SNX9: variants seen among roughly 807,000 people sequenced by gnomAD.
The protein encoded by SNX9 is sorting nexin 9.
Under a neutral mutation model 89.4 loss-of-function variants are expected in SNX9, and 44 were observed. The ratio of observed to expected loss-of-function variants is 0.49; its 90% CI spans 0.39 to 0.63. The LOEUF (loss-of-function observed/expected upper bound fraction) is 0.63. Among genes scored for constraint, SNX9 ranks in the 30% least tolerant of loss-of-function variants. The probability of loss-of-function intolerance (pLI) is 0.00; values close to 1 mark genes in which losing one functional copy is unlikely to be tolerated. For synonymous variants in SNX9, 236 were observed against 247.8 expected, an observed-to-expected ratio of 0.95 and a Z score of 0.45; for missense variants, 578 against 736.1, an observed-to-expected ratio of 0.79 and a Z score of 2.49.
At chr6:157,844,587 GTTTTT>G (rs1177648226) in intron 1 of SNX9, among the ~76,000 whole-genome samples, 32 of 130,240 alleles carry the variant, frequency 2.5e-4, no homozygotes, top group South Asian at 1.0e-3. Context: ...GCTAATCCTT[GTTTTT>G]TTTTTTTGTT....
intron 10 of SNX9, among the ~76,000 whole-genome samples, chr6:157,922,736 T>C (rs1184189770): frequency 1.3e-5 from 2 of 152,256 alleles, no homozygotes; most frequent in African/African-American, 4.8e-5. Context: ...TGCTTCACCA[T>C]GTCTTTGTGA....
intron 1 of SNX9, among the ~76,000 whole-genome samples, chr6:157,830,818 T>G (rs1781465427): frequency 1.3e-5 from 2 of 152,160 alleles, no homozygotes; most frequent in Admixed American, 1.3e-4. Flanking sequence ...TCTCCATTCT[T>G]TCTTTCTGGA....
intron 1 of SNX9, among the ~76,000 whole-genome samples, chr6:157,851,700 C>T (rs1249579575): frequency 6.6e-6 from 1 of 152,174 alleles, no homozygotes; most frequent in Admixed American, 6.5e-5. Context: ...AGCGATTTTC[C>T]TGCCTCAGCC....
rs1213268551 is a variant in SNX9, at chr6:157,873,190, G to GTCAT, written c.174+24_174+27dup. On this transcript the variant is annotated intron_variant, in intron 3 of 17. Transcript: ENST00000392185. ...GACTACGTTGAAGTAAGAGCTTCCT[G>GTCAT]TCATTCATTCATTAGAGCTCATCTT... The GTCAT allele has an allele frequency of 2.6e-6, 4 of 1,566,012 alleles. No homozygotes were observed. The highest frequency in any genetic ancestry group is 3.5e-6 in the Non-Finnish European group (4 of 1,155,102).
rs529071613 is a variant in SNX9, at chr6:157,944,649, G to T, written c.*1811G>T. 6.6e-6 allele frequency: 1 copy of T among 152,284 alleles called. No individual in the cohort carries two copies. Among genetic ancestry groups the T allele is most frequent in the Non-Finnish European group, 1.5e-5 (1 of 68,016 alleles). The allele number at this position is 152,284 out of a possible 1,614,324, so 9.4% of individuals were successfully genotyped here. A position where few individuals can be genotyped will look rare whatever the true frequency, so the allele number is the denominator to read the frequency against. On this transcript the variant is annotated 3_prime_UTR_variant, in exon 18 of 18. Transcript: ENST00000392185. ...CCCCAAATCCTATTTCTTCTGACAT[G>T]AATTCATCATTTCAGTTCCGTAGGT...
intron 1 of SNX9, among the ~76,000 whole-genome samples, chr6:157,853,962 A>T (rs1781961683): frequency 1.3e-5 from 2 of 152,234 alleles, no homozygotes; most frequent in Admixed American, 1.3e-4. Context: ...AAGACTGGTG[A>T]AACAGTGGTG....
At chr6:157,871,698 A>T (rs940594721) in intron 2 of SNX9, among the ~76,000 whole-genome samples, 5 of 152,070 alleles carry the variant, frequency 3.3e-5, no homozygotes, top group Admixed American at 2.0e-4. Flanking sequence ...AAAAATTTTT[A>T]AAAATGCTAG....
At chr6:157,831,221 T>G (rs1781472482) in intron 1 of SNX9, among the ~76,000 whole-genome samples, 1 of 152,058 alleles carries the variant, frequency 6.6e-6, no homozygotes, top group South Asian at 2.1e-4. Flanking sequence ...TGATTTGATT[T>G]GATTTTTCCT....
chr6:157,896,028 C>G (rs1782970367), intron 4 of SNX9, among the ~76,000 whole-genome samples: 1 of 152,134 alleles, frequency 6.6e-6, no homozygotes, highest in Non-Finnish European at 1.5e-5. Context: ...TTCTGTTGTT[C>G]TATTTCCTTA....
chr6:157,852,540 A>G (rs1323286266), intron 1 of SNX9, among the ~76,000 whole-genome samples: 1 of 152,120 alleles, frequency 6.6e-6, no homozygotes, highest in Non-Finnish European at 1.5e-5. Context: ...ACTCTGTAAC[A>G]GTAGACCTCT....
At chr6:157,868,888 A>G (rs961733687) in intron 2 of SNX9, among the ~76,000 whole-genome samples, 1 of 152,176 alleles carries the variant, frequency 6.6e-6, no homozygotes, top group Non-Finnish European at 1.5e-5. Context: ...TGCCCTGTGC[A>G]TGCCTGTCCT....
chr6:157,918,820 A>G (rs1009343880), intron 9 of SNX9, among the ~76,000 whole-genome samples: 1 of 152,114 alleles, frequency 6.6e-6, no homozygotes, highest in Non-Finnish European at 1.5e-5. Flanking sequence ...TGCACTTTAG[A>G]TTAATATTAA....
intron 1 of SNX9, among the ~76,000 whole-genome samples, chr6:157,854,189 A>G (rs1425299251): frequency 6.6e-6 from 1 of 152,146 alleles, no homozygotes; most frequent in African/African-American, 2.4e-5. Flanking sequence ...ACTTTACTAT[A>G]TTTGTATTCC....
intron 1 of SNX9, among the ~76,000 whole-genome samples, chr6:157,837,973 G>A (rs1282990673): frequency 2.6e-5 from 4 of 152,180 alleles, no homozygotes; most frequent in Non-Finnish European, 5.9e-5. Flanking sequence ...TGAACATCAA[G>A]GGATATTGAC....
rs1175576695 is a variant in SNX9 at position 157,823,615 on chromosome 6, G to A, written c.12+169G>A. Among the ~76,000 whole-genome samples, 1 of 151,948 alleles carries A rather than the reference G, an allele frequency of 6.6e-6. No homozygotes were observed. Among genetic ancestry groups the A allele is most frequent in the African/African-American group, 2.4e-5 (1 of 41,412 alleles). ...CCGCGGCCCAGCCAGTCCCTTCTGG[G>A]CATGGGTGCGGCGGGCAGTGCAGAC... is the stretch of plus-strand genomic sequence containing the variant. On this transcript the variant is annotated intron_variant, in intron 1 of 17. Coordinates refer to ENST00000392185, the MANE Select transcript of SNX9 (RefSeq NM_016224.5). The surrounding 1 kb of genome is among the most constrained non-coding windows in gnomAD (Gnocchi z 4.6).
chr6:157,896,357 C>T (rs1420732208), intron 4 of SNX9, among the ~76,000 whole-genome samples: 1 of 152,060 alleles, frequency 6.6e-6, no homozygotes, highest in Non-Finnish European at 1.5e-5. Flanking sequence ...GAAATAGGTC[C>T]TCATGTTGAG....
At chr6:157,923,438 A>AC (rs748820557) in intron 10 of SNX9, among the ~76,000 whole-genome samples, 1 of 152,120 alleles carries the variant, frequency 6.6e-6, no homozygotes, top group African/African-American at 2.4e-5. Flanking sequence ...TAAAAAAAAA[A>AC]TAACCTGTCA....
At chr6:157,885,665 G>A (rs1240657602) in intron 4 of SNX9, among the ~76,000 whole-genome samples, 3 of 152,212 alleles carry the variant, frequency 2.0e-5, no homozygotes, top group Non-Finnish European at 4.4e-5. Flanking sequence ...AGGTGGTGTG[G>A]AAGGATGTGA....
chr6:157,902,396 C>G (rs1046645761), intron 6 of SNX9, among the ~76,000 whole-genome samples: 3 of 152,122 alleles, frequency 2.0e-5, no homozygotes, highest in Non-Finnish European at 2.9e-5. Flanking sequence ...AAATGTTTTA[C>G]TGTTTTGTTA....
Sources: allele counts gnomAD v4.1 joint callset (sites outside exome capture counted in the v4.1 genomes callset), GRCh38; gene constraint gnomAD v4.1.1; non-coding constraint Gnocchi (gnomAD v3.1); transcripts MANE v1.5; gene names NCBI Gene and HGNC (gene_info 2026-07-23, HGNC 2026-07-21).